LOC128092252: variants seen among roughly 807,000 people sequenced by gnomAD.
At chr15:50,678,253 AAAAACAAAAAC>A in the LOC128092252 span, among the ~76,000 whole-genome samples, 5 of 126,992 alleles carry the variant, frequency 3.9e-5, no homozygotes, top group South Asian at 2.3e-4. Flanking sequence ...AAAAAAAAAC[AAAAACAAAAAC>A]AAAAACAAAA....
chr15:50,678,246 A>AAAC, the LOC128092252 span, among the ~76,000 whole-genome samples: 1 of 142,504 alleles, frequency 7.0e-6, no homozygotes, highest in African/African-American at 2.6e-5. Context: ...TCTCAAAAAA[A>AAAC]AAAAACAAAA....
chr15:50,652,328 CAAAAAAAAAAAAAAAAA>C, the LOC128092252 span, among the ~76,000 whole-genome samples: 6 of 34,226 alleles, frequency 1.8e-4, no homozygotes, highest in Admixed American at 3.0e-3. Flanking sequence ...GACTCCATCT[CAAAAAAAAAAAAAAAAA>C]AAAAAAAAAA....
At chr15:50,664,517 G>A in the LOC128092252 span, among the ~76,000 whole-genome samples, 38 of 152,150 alleles carry the variant, frequency 2.5e-4, no homozygotes, top group South Asian at 6.2e-3. Flanking sequence ...TATTACAAAC[G>A]TTAAATCTGC....
At chr15:50,679,511 A>AATATATATAT in the LOC128092252 span, among the ~76,000 whole-genome samples, 9 of 75,436 alleles carry the variant, frequency 1.2e-4, no homozygotes, top group African/African-American at 6.4e-4. Context: ...GTATATATAT[A>AATATATATAT]ATATATATAT....
the LOC128092252 span, among the ~76,000 whole-genome samples, chr15:50,672,647 C>T: frequency 5.9e-5 from 9 of 151,938 alleles, no homozygotes; most frequent in East Asian, 5.8e-4. Context: ...CGGTGGCTCA[C>T]GCCTGTAACC....
At chr15:50,653,986 G>GTA in the LOC128092252 span, among the ~76,000 whole-genome samples, 1 of 152,082 alleles carries the variant, frequency 6.6e-6, no homozygotes, top group Admixed American at 6.6e-5. Flanking sequence ...TAAGAGGAAG[G>GTA]TCCACATCCT....
the LOC128092252 span, among the ~76,000 whole-genome samples, chr15:50,676,497 C>T: frequency 6.6e-6 from 1 of 152,050 alleles, no homozygotes; most frequent in East Asian, 1.9e-4. Context: ...GATGGGAGGA[C>T]TGCTTGAGGC....
chr15:50,658,572 A>C, the LOC128092252 span, among the ~76,000 whole-genome samples: 1 of 120,914 alleles, frequency 8.3e-6, no homozygotes, highest in African/African-American at 3.7e-5. Flanking sequence ...AAACTGTCTC[A>C]AAAAAAAAAA....
the LOC128092252 span, among the ~76,000 whole-genome samples, chr15:50,660,584 G>A: frequency 3.3e-5 from 5 of 152,140 alleles, no homozygotes; most frequent in African/African-American, 7.2e-5. Context: ...GAACCCGGAA[G>A]GCAGACTTTG....
chr15:50,663,425 CCA>C, the LOC128092252 span, among the ~76,000 whole-genome samples: 1 of 152,160 alleles, frequency 6.6e-6, no homozygotes, highest in Non-Finnish European at 1.5e-5. Flanking sequence ...CGTGCCCGGC[CCA>C]TAAACACTTC....
the LOC128092252 span, among the ~76,000 whole-genome samples, chr15:50,678,432 G>C: frequency 6.7e-6 from 1 of 149,120 alleles, no homozygotes; most frequent in East Asian, 2.0e-4. Flanking sequence ...GGCACTCTCT[G>C]ACTTCCCCTA....
the LOC128092252 span, among the ~76,000 whole-genome samples, chr15:50,675,066 G>C: frequency 6.6e-6 from 1 of 152,140 alleles, no homozygotes; most frequent in African/African-American, 2.4e-5. Context: ...CTCCTGGCTG[G>C]GCACGGTGGC....
chr15:50,650,994 C>A, the LOC128092252 span, among the ~76,000 whole-genome samples: 1 of 152,232 alleles, frequency 6.6e-6, no homozygotes, highest in East Asian at 1.9e-4. Context: ...TTTAGACCAG[C>A]CCGGGCAACA....
At chr15:50,686,711 C>G in the LOC128092252 span, 9 of 798,912 alleles carry the variant, frequency 1.1e-5, no homozygotes, top group Non-Finnish European at 1.7e-5. Context: ...GAAGCCGAGT[C>G]TTTCATAATT....
the LOC128092252 span, among the ~76,000 whole-genome samples, chr15:50,680,805 G>C: frequency 6.6e-6 from 1 of 152,060 alleles, no homozygotes; most frequent in Non-Finnish European, 1.5e-5. Context: ...AATATCAAAA[G>C]CCTTCTCCAA....
the LOC128092252 span, among the ~76,000 whole-genome samples, chr15:50,668,127 G>C: frequency 6.6e-6 from 1 of 152,106 alleles, no homozygotes; most frequent in Non-Finnish European, 1.5e-5. Context: ...CTCTTCGAAA[G>C]GTGGTTTATA....
chr15:50,650,993 G>C, the LOC128092252 span, among the ~76,000 whole-genome samples: 3 of 152,054 alleles, frequency 2.0e-5, no homozygotes, highest in Non-Finnish European at 4.4e-5. Flanking sequence ...GTTTAGACCA[G>C]CCCGGGCAAC....
chr15:50,680,953 G>A, the LOC128092252 span, among the ~76,000 whole-genome samples: 2 of 152,030 alleles, frequency 1.3e-5, no homozygotes, highest in Non-Finnish European at 2.9e-5. Context: ...TTTTCCTGCG[G>A]GATTAATATA....
At chr15:50,678,426 C>T in the LOC128092252 span, among the ~76,000 whole-genome samples, 1 of 150,624 alleles carries the variant, frequency 6.6e-6, no homozygotes, top group Non-Finnish European at 1.5e-5. Context: ...TAAGCTGGCA[C>T]TCTCTGACTT....
Sources: gnomAD v4.1 joint callset for allele counts (sites outside exome capture counted in the v4.1 genomes callset) on GRCh38, gnomAD v4.1.1 for gene constraint, MANE v1.5 for transcripts.